The following AUTS2 variants were observed in gnomAD, a reference collection of about 807,000 sequenced individuals.
AUTS2 encodes autism susceptibility gene 2 protein.
Under a neutral mutation model 112.4 loss-of-function variants are expected in AUTS2, and 17 were observed. The ratio of observed to expected loss-of-function variants is 0.15; its 90% CI spans 0.10 to 0.23. AUTS2 has a LOEUF of 0.23. Ranked by LOEUF, AUTS2 falls within the 10% of genes least tolerant of loss-of-function variation. The pLI is 1.00. For synonymous variants in AUTS2, 751 were observed against 702.7 expected (o/e 1.07, Z -1.09); for missense variants, 1,510 against 1,701.6 (o/e 0.89, Z 1.98).
At chr7:70,406,205 C>T (rs919985123) in intron 4 of AUTS2, among the ~76,000 whole-genome samples, 1 of 152,196 alleles carries the variant, frequency 6.6e-6, no homozygotes, top group East Asian at 1.9e-4. Flanking sequence ...TGACCTGCCA[C>T]CCCCTTCCTT....
intron 2 of AUTS2, among the ~76,000 whole-genome samples, chr7:69,918,880 A>T (rs957158914): frequency 1.3e-5 from 2 of 152,140 alleles, no homozygotes; most frequent in African/African-American, 4.8e-5. Flanking sequence ...CTTTTTTTAA[A>T]CAATATTTTT....
chr7:70,018,223 G>A (rs1251039756), intron 2 of AUTS2, among the ~76,000 whole-genome samples: 2 of 150,160 alleles, frequency 1.3e-5, no homozygotes, highest in African/African-American at 4.9e-5. Context: ...TTTTTTTAAC[G>A]CCTTTAACTA....
At chr7:69,632,673 T>C (rs1794314277) in intron 1 of AUTS2, among the ~76,000 whole-genome samples, 2 of 151,670 alleles carry the variant, frequency 1.3e-5, no homozygotes, top group Admixed American at 6.6e-5. Flanking sequence ...TTCTTTTCTT[T>C]CTGTTCATAT....
chr7:69,646,307 T>C (rs1370865455), intron 1 of AUTS2, among the ~76,000 whole-genome samples: 7 of 152,164 alleles, frequency 4.6e-5, no homozygotes, highest in Non-Finnish European at 1.0e-4. Flanking sequence ...AATAATGTAT[T>C]AGGAACATTT....
intron 1 of AUTS2, among the ~76,000 whole-genome samples, chr7:69,655,968 C>G (rs73164763): frequency 8.8e-4 from 134 of 152,354 alleles, no homozygotes; most frequent in Non-Finnish European, 1.6e-3. Flanking sequence ...ATATCCCAGG[C>G]AAAGCCTTAG....
intron 4 of AUTS2, among the ~76,000 whole-genome samples, chr7:70,174,511 T>C (rs1288635145): frequency 6.6e-6 from 1 of 152,190 alleles, no homozygotes; most frequent in Non-Finnish European, 1.5e-5. Flanking sequence ...CAAAACAGCC[T>C]TCTATTAGAA....
At chr7:70,367,855 CT>C (rs1012622468) in intron 4 of AUTS2, among the ~76,000 whole-genome samples, 2 of 152,084 alleles carry the variant, frequency 1.3e-5, no homozygotes, top group Non-Finnish European at 2.9e-5. Flanking sequence ...TTAGCAACAA[CT>C]TTTTCAGGAG....
At chr7:70,729,969 G>A (rs1487404567) in intron 6 of AUTS2, among the ~76,000 whole-genome samples, 1 of 152,040 alleles carries the variant, frequency 6.6e-6, no homozygotes, top group Non-Finnish European at 1.5e-5. Context: ...TGCAACCTCC[G>A]CCTCCCGGGT....
At chr7:70,237,463 G>A (rs1050217816) in intron 4 of AUTS2, among the ~76,000 whole-genome samples, 3 of 152,120 alleles carry the variant, frequency 2.0e-5, no homozygotes, top group African/African-American at 7.2e-5. Flanking sequence ...TGCTAAAAAG[G>A]ACTCTTCTAC....
chr7:70,062,508 G>A (rs1232541543), intron 2 of AUTS2, among the ~76,000 whole-genome samples: 12 of 125,274 alleles, frequency 9.6e-5, no homozygotes, highest in East Asian at 4.6e-4. Context: ...GCGAGACTCC[G>A]TCTCAAAAAA....
At chr7:69,696,264 C>T (rs1258437575) in intron 1 of AUTS2, among the ~76,000 whole-genome samples, 3 of 152,152 alleles carry the variant, frequency 2.0e-5, no homozygotes, top group Non-Finnish European at 4.4e-5. Context: ...CCTTACCCCT[C>T]CTCAGGGAAA....
chr7:70,410,289 A>G (rs889000443), intron 4 of AUTS2, among the ~76,000 whole-genome samples: 2 of 152,130 alleles, frequency 1.3e-5, no homozygotes, highest in Non-Finnish European at 2.9e-5. Flanking sequence ...CCTCTTCCCC[A>G]TGTAGAATGC....
chr7:70,100,634 C>T (rs1160755278), intron 2 of AUTS2, among the ~76,000 whole-genome samples: 2 of 151,400 alleles, frequency 1.3e-5, no homozygotes, highest in African/African-American at 2.4e-5. Flanking sequence ...TGTGTCCATG[C>T]GTTCTCATTG....
At chr7:70,357,640 G>T (rs938731894) in intron 4 of AUTS2, among the ~76,000 whole-genome samples, 5 of 152,252 alleles carry the variant, frequency 3.3e-5, no homozygotes, top group Admixed American at 3.3e-4. Context: ...ACCTGTAAAC[G>T]CACGGCCTTT....
chr7:70,389,450 A>G (rs903973306), intron 4 of AUTS2, among the ~76,000 whole-genome samples: 3 of 152,206 alleles, frequency 2.0e-5, no homozygotes, highest in African/African-American at 7.2e-5. Context: ...TGGCCATGGT[A>G]GGCAAGCCTA....
intron 6 of AUTS2, among the ~76,000 whole-genome samples, chr7:70,701,651 T>C (rs1319832843): frequency 6.6e-6 from 1 of 151,776 alleles, no homozygotes; most frequent in African/African-American, 2.4e-5. Flanking sequence ...AAACAGCACA[T>C]GCTTGCATGT....
intron 2 of AUTS2, among the ~76,000 whole-genome samples, chr7:70,117,472 T>G (rs1226012096): frequency 1.3e-5 from 2 of 152,144 alleles, no homozygotes; most frequent in Non-Finnish European, 2.9e-5. Context: ...TAATCTCACT[T>G]TAGTTTATTC....
intron 5 of AUTS2, among the ~76,000 whole-genome samples, chr7:70,518,890 G>A (rs1445206422): frequency 1.3e-5 from 2 of 151,934 alleles, no homozygotes; most frequent in Non-Finnish European, 2.9e-5. Context: ...TTTTAGTAGA[G>A]ACGGGGTTTT....
chr7:70,067,363 C>T (rs1224797474), intron 2 of AUTS2, among the ~76,000 whole-genome samples: 2 of 152,164 alleles, frequency 1.3e-5, no homozygotes, highest in Non-Finnish European at 1.5e-5. Context: ...TACTACTTTT[C>T]ACTTAGGAAA....
Sources: allele counts gnomAD v4.1 joint callset (sites outside exome capture counted in the v4.1 genomes callset), GRCh38; gene constraint gnomAD v4.1.1; transcripts MANE v1.5; gene names NCBI Gene and HGNC (gene_info 2026-07-23, HGNC 2026-07-21).